Variants in GUCY1A2 observed in about 807,000 individuals in gnomAD.
The protein encoded by GUCY1A2 is guanylate cyclase 1 soluble subunit alpha 2, also known as guanylate cyclase soluble subunit alpha-2.
Under a neutral mutation model 63.5 loss-of-function variants are expected in GUCY1A2, and 27 were observed. The ratio of observed to expected loss-of-function variants is 0.43; its 90% CI spans 0.31 to 0.59. The LOEUF (loss-of-function observed/expected upper bound fraction) is 0.59. Ranked by LOEUF, GUCY1A2 falls within the 20% of genes least tolerant of loss-of-function variation. The pLI is 0.11. For synonymous variants in GUCY1A2, 364 were observed against 343.5 expected (o/e 1.06, Z -0.66); for missense variants, 768 against 913.3 (o/e 0.84, Z 2.05).
At chr11:106,815,593 G>T (rs1329055552) in intron 4 of GUCY1A2, among the ~76,000 whole-genome samples, 1 of 151,848 alleles carries the variant, frequency 6.6e-6, no homozygotes, top group Admixed American at 6.6e-5. Context: ...TGAGCACCAG[G>T]AAGGAAGAAA....
chr11:106,917,136 G>A (rs1860379695), intron 4 of GUCY1A2, among the ~76,000 whole-genome samples: 1 of 145,346 alleles, frequency 6.9e-6, no homozygotes, highest in South Asian at 2.4e-4. Context: ...ACTGAGACTG[G>A]GCTACTTCTA....
At chr11:106,993,108 T>C (rs1278985773) in intron 1 of GUCY1A2, among the ~76,000 whole-genome samples, 4 of 152,230 alleles carry the variant, frequency 2.6e-5, no homozygotes, top group African/African-American at 9.6e-5. Flanking sequence ...TGAGCTTCTC[T>C]ACAATATAGA....
At chr11:106,923,894 T>C (rs1860483093) in intron 4 of GUCY1A2, among the ~76,000 whole-genome samples, 1 of 151,354 alleles carries the variant, frequency 6.6e-6, no homozygotes, top group South Asian at 2.1e-4. Context: ...ACTGACAGGT[T>C]TTCCCAAGAC....
intron 4 of GUCY1A2, among the ~76,000 whole-genome samples, chr11:106,831,213 TATC>T (rs1452849297): frequency 2.0e-5 from 3 of 152,172 alleles, no homozygotes; most frequent in Admixed American, 6.5e-5. Context: ...TAAATCATAA[TATC>T]ATGATGAAGG....
intron 3 of GUCY1A2, among the ~76,000 whole-genome samples, chr11:106,944,178 G>A (rs1023292178): frequency 1.1e-4 from 11 of 101,060 alleles, no homozygotes; most frequent in African/African-American, 1.5e-4. Context: ...TCATACCACT[G>A]CACTCCAGCC....
Position 106,995,084 on chromosome 11 carries a change from T to C in GUCY1A2, c.304-8953A>G, listed in dbSNP as rs1861517955. Among the ~76,000 whole-genome samples the C allele has an allele frequency of 2.0e-5, 3 of 152,156 alleles. No homozygotes were observed. In the South Asian group the frequency reaches 6.2e-4, roughly 32 times the overall value. On this transcript the variant is annotated intron_variant, in intron 1 of 7. Coordinates refer to ENST00000526355, the MANE Select transcript of GUCY1A2 (RefSeq NM_000855.3). ...TCATGGTATAGCAAAAGCCTTTTGG[T>C]AGACGTGGCTTCCATCTTAAAGCCC...
intron 6 of GUCY1A2, among the ~76,000 whole-genome samples, chr11:106,761,606 A>G (rs1278986293): frequency 1.3e-5 from 2 of 152,168 alleles, no homozygotes; most frequent in Non-Finnish European, 2.9e-5. Flanking sequence ...CTAAATATCA[A>G]TCTACTTGAA....
At chr11:107,009,160 G>C (rs953177160) in intron 1 of GUCY1A2, among the ~76,000 whole-genome samples, 1 of 152,094 alleles carries the variant, frequency 6.6e-6, no homozygotes, top group Non-Finnish European at 1.5e-5. Context: ...CTGAATGAAC[G>C]GCTAAGGATG....
At chr11:106,790,663 G>A (rs558760861) in intron 5 of GUCY1A2, among the ~76,000 whole-genome samples, 29 of 152,198 alleles carry the variant, frequency 1.9e-4, no homozygotes, top group African/African-American at 5.5e-4. Context: ...GCTGGGTATC[G>A]CTGGTGGTTA....
At chr11:106,848,352 A>C (rs965837584) in intron 4 of GUCY1A2, among the ~76,000 whole-genome samples, 5 of 151,624 alleles carry the variant, frequency 3.3e-5, no homozygotes, top group African/African-American at 1.2e-4. Flanking sequence ...ATTGCTAAAG[A>C]TGTACTCCCT....
intron 7 of GUCY1A2, among the ~76,000 whole-genome samples, chr11:106,697,609 C>T (rs531078250): frequency 3.9e-5 from 6 of 152,100 alleles, no homozygotes; most frequent in Admixed American, 1.3e-4. Flanking sequence ...TTGCCATTTC[C>T]TTCAAAGGAC....
intron 4 of GUCY1A2, among the ~76,000 whole-genome samples, chr11:106,902,780 A>G (rs1316307460): frequency 6.6e-6 from 1 of 152,216 alleles, no homozygotes; most frequent in Non-Finnish European, 1.5e-5. Flanking sequence ...CTAACAATAC[A>G]ACTATTTCCG....
At position 106,957,855 on chromosome 11, in the gene GUCY1A2, CTTTTTTTTTTTT is replaced by C. The variant is rs59519013; in HGVS notation, c.488-17689_488-17678del. Among the ~76,000 whole-genome samples, 15 of 87,260 alleles carry C rather than the reference CTTTTTTTTTTTT, an allele frequency of 1.7e-4. 1 individual carries two copies. Among genetic ancestry groups the C allele is most frequent in the East Asian group, 1.3e-3 (3 of 2,242 alleles). 57.2% of individuals were successfully genotyped at this position (87,260 alleles called of 152,430 possible). A position where few individuals can be genotyped will look rare whatever the true frequency, so the allele number is the denominator to read the frequency against. On this transcript the variant is annotated intron_variant, in intron 3 of 7. Transcript: ENST00000526355. The stretch of plus-strand genomic sequence containing the variant: ...AGTCCAGTCTGAGCAAAGGGACAAA[CTTTTTTTTTTTT>C]TTTTTTTTTTTTTTTTTTTTTTCAG...
At chr11:106,708,691 G>A in intron 6 of GUCY1A2, 25 bp from the exon 7 acceptor site, 1 of 1,512,248 alleles carries the variant, frequency 6.6e-7, no homozygotes, top group South Asian at 1.3e-5. Flanking sequence ...AAGAGGAAAA[G>A]GAACATATTT....
At chr11:106,693,136 A>C (rs1862655192) in intron 7 of GUCY1A2, among the ~76,000 whole-genome samples, 1 of 152,226 alleles carries the variant, frequency 6.6e-6, no homozygotes, top group African/African-American at 2.4e-5. Flanking sequence ...GCGATACTTG[A>C]AGGGCAAAGG....
chr11:107,001,499 G>C (rs1204424827), intron 1 of GUCY1A2, among the ~76,000 whole-genome samples: 1 of 152,044 alleles, frequency 6.6e-6, no homozygotes, highest in Admixed American at 6.6e-5. Flanking sequence ...GTAAAATTAA[G>C]CATGCATAGG....
chr11:106,958,544 T>C (rs1057311979), intron 3 of GUCY1A2, among the ~76,000 whole-genome samples: 1 of 152,042 alleles, frequency 6.6e-6, no homozygotes, highest in Non-Finnish European at 1.5e-5. Context: ...CTGTCTTTTC[T>C]CATCTTGTAT....
chr11:106,715,847 G>A (rs1441244883), intron 6 of GUCY1A2, among the ~76,000 whole-genome samples: 1 of 152,156 alleles, frequency 6.6e-6, no homozygotes, highest in Non-Finnish European at 1.5e-5. Flanking sequence ...TGTTGTTTTA[G>A]AGTTTTCATT....
chr11:106,822,688 CA>C (rs1423213403), intron 4 of GUCY1A2, among the ~76,000 whole-genome samples: 1 of 152,110 alleles, frequency 6.6e-6, no homozygotes, highest in African/African-American at 2.4e-5. Flanking sequence ...ATAAGTAATA[CA>C]AATTCCAAGA....
Sources: allele counts gnomAD v4.1 joint callset (sites outside exome capture counted in the v4.1 genomes callset), GRCh38; gene constraint gnomAD v4.1.1; transcripts MANE v1.5; gene names NCBI Gene and HGNC (gene_info 2026-07-23, HGNC 2026-07-21).